Variants in CLEC9A observed in about 807,000 individuals in gnomAD.
CLEC9A encodes the protein C-type lectin domain containing 9A.
In CLEC9A, 24 loss-of-function variants were observed where a neutral mutation model predicts 30.0. The observed-to-expected ratio is 0.80, with a 90% CI of 0.58 to 1.13. CLEC9A has a LOEUF of 1.13. Ranked by LOEUF, CLEC9A falls within the 50% of genes most tolerant of loss-of-function variation. The probability of loss-of-function intolerance (pLI) is 0.00; values close to 1 mark genes in which losing one functional copy is unlikely to be tolerated. For synonymous variants in CLEC9A, 111 were observed against 96.8 expected (o/e 1.15, Z -0.86); for missense variants, 251 against 280.9 (o/e 0.89, Z 0.76).
chr12:10,043,361 C>A (rs771771414), intron 2 of CLEC9A: 1 of 188,326 alleles, frequency 5.3e-6, no homozygotes, highest in Non-Finnish European at 1.1e-5. Context: ...ATACTAGAAA[C>A]TTATTCTTGA....
chr12:10,057,499 C>A (rs1287500084), intron 5 of CLEC9A, among the ~76,000 whole-genome samples: 1 of 151,720 alleles, frequency 6.6e-6, no homozygotes, highest in African/African-American at 2.4e-5. Context: ...AATAGAAGGA[C>A]TGGTAAAATT....
intron 2 of CLEC9A, chr12:10,045,434 G>T: frequency 6.1e-6 from 1 of 162,800 alleles, no homozygotes; most frequent in South Asian, 1.7e-4. Flanking sequence ...TTTGATTGTT[G>T]ATTGTTTCCT....
At chr12:10,035,495 A>G (rs1476432151) in intron 1 of CLEC9A, among the ~76,000 whole-genome samples, 1 of 152,238 alleles carries the variant, frequency 6.6e-6, no homozygotes, top group East Asian at 1.9e-4. Context: ...AATATACTTA[A>G]CATACTATGA....
intron 2 of CLEC9A, among the ~76,000 whole-genome samples, chr12:10,050,257 T>C (rs1410214259): frequency 6.6e-6 from 1 of 152,192 alleles, no homozygotes; most frequent in Non-Finnish European, 1.5e-5. Flanking sequence ...GTAATAATAA[T>C]GAAAAGTTTT....
chr12:10,064,840 CCTT>C lies in CLEC9A; in HGVS notation c.583_585del (p.Ser195del), dbSNP rs780141420. On this transcript the variant is annotated inframe_deletion, in exon 8 of 9. Coordinates refer to ENST00000355819, the MANE Select transcript of CLEC9A (RefSeq NM_207345.4). ...CTGGCTTTGGCAAGATGGCTCCTCT[CCTT>C]CTCCTGGCCTGTAAGTCTCTGAGTG... is the stretch of plus-strand genomic sequence containing the variant. The C allele has an allele frequency of 4.3e-6, 7 of 1,612,838 alleles. No individual in the cohort carries two copies. In the Admixed American group the frequency reaches 1.0e-4, roughly 23 times the overall value.
At chr12:10,055,554 G>A (rs1175857624) in intron 5 of CLEC9A, among the ~76,000 whole-genome samples, 2 of 151,982 alleles carry the variant, frequency 1.3e-5, no homozygotes, top group Middle Eastern at 3.2e-3. Flanking sequence ...ATGATTTGGG[G>A]TAATAAGATT....
At chr12:10,045,632 C>T in intron 2 of CLEC9A, 1 of 249,748 alleles carries the variant, frequency 4.0e-6, no homozygotes, top group Admixed American at 3.9e-5. Flanking sequence ...TACCTTAATG[C>T]AAGGAAAGGG....
At chr12:10,039,207 C>G (rs903015331) in intron 1 of CLEC9A, among the ~76,000 whole-genome samples, 1 of 152,122 alleles carries the variant, frequency 6.6e-6, no homozygotes, top group African/African-American at 2.4e-5. Context: ...GCTGGTGGCT[C>G]TGGGGATTTG....
At position 10,054,215 on chromosome 12, in the gene CLEC9A, C is replaced by T. The variant is rs74061476; in HGVS notation, c.92-56C>T. The T allele has an allele frequency of 2.7e-3, 3,670 of 1,348,786 alleles. 50 individuals are homozygous for T. In the African/African-American group the frequency reaches 0.044, roughly 16 times the overall value. 83.6% of individuals were successfully genotyped at this position (1,348,786 alleles called of 1,614,324 possible). A position where few individuals can be genotyped will look rare whatever the true frequency, so the allele number is the denominator to read the frequency against. On this transcript the variant is annotated intron_variant, in intron 4 of 8. Coordinates refer to ENST00000355819, the MANE Select transcript of CLEC9A (RefSeq NM_207345.4). ...ACTCAATCTCAATCTATCCTTGCCC[C>T]GTCTTTTTTATCTGCTTTCTCTAAC...
chr12:10,036,351 T>C (rs1463923043), intron 1 of CLEC9A, among the ~76,000 whole-genome samples: 1 of 152,240 alleles, frequency 6.6e-6, no homozygotes, highest in Non-Finnish European at 1.5e-5. Context: ...ACAAATTAAA[T>C]AGCATTTAGT....
chr12:10,061,344 A>ACACACATT, intron 6 of CLEC9A, 71 bp downstream of exon 6: 1 of 1,440,554 alleles, frequency 6.9e-7, no homozygotes, highest in Non-Finnish European at 9.3e-7. Flanking sequence ...AGAAACAGTG[A>ACACACATT]CACACATTTT....
intron 2 of CLEC9A, among the ~76,000 whole-genome samples, chr12:10,047,057 AATCTTT>A (rs1177151754): frequency 6.6e-6 from 1 of 152,184 alleles, no homozygotes; most frequent in Admixed American, 6.5e-5. Context: ...AAGACACTTG[AATCTTT>A]ATCTTTTTTC....
intron 2 of CLEC9A, among the ~76,000 whole-genome samples, chr12:10,051,174 C>T (rs2137306690): frequency 6.6e-6 from 1 of 151,126 alleles, no homozygotes; most frequent in Middle Eastern, 3.4e-3. Context: ...CACAGCACTC[C>T]AGCCTGGGCG....
intron 8 of CLEC9A, 84 bp downstream of exon 8, chr12:10,064,937 T>C (rs761561530): frequency 6.1e-5 from 90 of 1,470,262 alleles, no homozygotes; most frequent in Non-Finnish European, 7.8e-5. Context: ...CCATGAATTT[T>C]CTCCAAGGGA....
intron 2 of CLEC9A, among the ~76,000 whole-genome samples, chr12:10,050,040 A>G (rs11053569): frequency 0.18 from 26,925 of 152,152 alleles, 2,918 homozygotes; most frequent in East Asian, 0.44. Flanking sequence ...TAATTGACCT[A>G]TTTTTAATAT....
At chr12:10,038,283 G>C (rs1319230557) in intron 1 of CLEC9A, among the ~76,000 whole-genome samples, 3 of 151,924 alleles carry the variant, frequency 2.0e-5, no homozygotes, top group Non-Finnish European at 4.4e-5. Flanking sequence ...TGTCTTTTTT[G>C]TTTGTTTGTT....
Position 10,052,038 on chromosome 12 carries a change from A to G in CLEC9A, c.-115A>G, listed in dbSNP as rs1174165018. 1 of 152,196 alleles carries G rather than the reference A, an allele frequency of 6.6e-6. No homozygotes were observed. The highest frequency in any genetic ancestry group is 1.5e-5 in the Non-Finnish European group (1 of 68,030). The allele number at this position is 152,196 out of a possible 1,614,324, so 9.4% of individuals were successfully genotyped here. ...ATGTCTCCCAAGACGAAAGAATCCC[A>G]AGTCTCATTTGGAGGAATGCTATCA... On this transcript the variant is annotated 5_prime_UTR_variant, in exon 3 of 9. Transcript: ENST00000355819.
chr12:10,064,988 A>C (rs1438300630), intron 8 of CLEC9A, 135 bp downstream of exon 8: 1 of 1,046,698 alleles, frequency 9.6e-7, no homozygotes, highest in African/African-American at 1.7e-5. Flanking sequence ...ATTGGGATTA[A>C]AGCTAACAAA....
intron 5 of CLEC9A, among the ~76,000 whole-genome samples, chr12:10,056,750 A>T (rs149665689): frequency 6.6e-6 from 1 of 152,176 alleles, no homozygotes; most frequent in African/African-American, 2.4e-5. Flanking sequence ...GTATATATTT[A>T]AAAAATGTTA....
Sources: gnomAD v4.1 joint callset for allele counts (sites outside exome capture counted in the v4.1 genomes callset) on GRCh38, gnomAD v4.1.1 for gene constraint, MANE v1.5 for transcripts, NCBI Gene and HGNC (gene_info 2026-07-23, HGNC 2026-07-21) for gene names.